Variants in DUS2 observed in about 807,000 individuals in gnomAD.
The protein encoded by DUS2 is dihydrouridine synthase 2.
In DUS2, 52 loss-of-function variants were observed where a neutral mutation model predicts 71.3. The ratio of observed to expected loss-of-function variants is 0.73; its 90% CI spans 0.58 to 0.92. The LOEUF (loss-of-function observed/expected upper bound fraction) is 0.92, where lower values mean the gene tolerates loss of function less well. Among genes scored for constraint, DUS2 ranks in the 40% least tolerant of loss-of-function variants. The probability of loss-of-function intolerance (pLI) is 0.00; values close to 1 mark genes in which losing one functional copy is unlikely to be tolerated. For synonymous variants in DUS2, 204 were observed against 227.8 expected, an observed-to-expected ratio of 0.90 and a Z score of 0.94; for missense variants, 558 against 622.6, an observed-to-expected ratio of 0.90 and a Z score of 1.10.
chr16:68,054,428 G>T, intron 5 of DUS2, 146 bp from the exon 6 acceptor site: 2 of 810,316 alleles, frequency 2.5e-6, no homozygotes, highest in South Asian at 3.0e-5. Context: ...CTAGTCTAGT[G>T]GGCTGGCTGT....
At chr16:68,061,546 T>C (rs35432211) in intron 8 of DUS2, among the ~76,000 whole-genome samples, 19,097 of 152,168 alleles carry the variant, frequency 0.13, 1,309 homozygotes, top group South Asian at 0.19. Context: ...GGGTCCCCTA[T>C]GTCCTGAAAG....
At chr16:68,067,882 ACTCCTGGGCTTAAGTGATC>A (rs2034032173) in intron 10 of DUS2, among the ~76,000 whole-genome samples, 1 of 150,678 alleles carries the variant, frequency 6.6e-6, no homozygotes, top group Admixed American at 6.6e-5. Flanking sequence ...CTGGTCTCAA[ACTCCTGGGCTTAAGTGATC>A]CTCCTGCCTC....
intron 3 of DUS2, among the ~76,000 whole-genome samples, chr16:68,042,329 G>A (rs1366544405): frequency 6.6e-6 from 1 of 152,118 alleles, no homozygotes; most frequent in South Asian, 2.1e-4. Flanking sequence ...GAACATGGGC[G>A]TGCAAATAAT....
intron 3 of DUS2, among the ~76,000 whole-genome samples, chr16:68,047,172 C>T (rs2033715576): frequency 6.7e-6 from 1 of 150,206 alleles, no homozygotes; most frequent in African/African-American, 2.5e-5. Context: ...TCTCCTGCCT[C>T]AGCCTCCCAA....
rs2033289352 is a variant in DUS2 at position 68,023,335 on chromosome 16, A to C, written c.-115A>C. 1 of 1,136,982 alleles carries C rather than the reference A, an allele frequency of 8.8e-7. No homozygotes were observed. The highest frequency in any genetic ancestry group is 1.2e-6 in the Non-Finnish European group (1 of 814,484). The allele number at this position is 1,136,982 out of a possible 1,614,324, so 70.4% of individuals were successfully genotyped here. A position where few individuals can be genotyped will look rare whatever the true frequency, so the allele number is the denominator to read the frequency against. Reference sequence around the variant, plus strand: ...GTGAGGAAGAAGCGAGGTTCTTTTTAAGAGTTCAGCTGCGAGGTCTGTAGC... The same window carrying C: ...GTGAGGAAGAAGCGAGGTTCTTTTTCAGAGTTCAGCTGCGAGGTCTGTAGC... On this transcript the variant is annotated 5_prime_UTR_variant, in exon 1 of 17. Transcript: ENST00000565263.
intron 7 of DUS2, among the ~76,000 whole-genome samples, chr16:68,058,991 CA>C (rs1419849231): frequency 6.6e-6 from 1 of 152,154 alleles, no homozygotes; most frequent in African/African-American, 2.4e-5. Context: ...GCGGGCAGAT[CA>C]CCTGAGGTCA....
At chr16:68,069,283 TG>T (rs995639463) in intron 10 of DUS2, among the ~76,000 whole-genome samples, 5 of 152,094 alleles carry the variant, frequency 3.3e-5, no homozygotes, top group African/African-American at 1.2e-4. Context: ...CCCAGCTACC[TG>T]GGAGGCTGAG....
intron 2 of DUS2, among the ~76,000 whole-genome samples, chr16:68,026,473 C>A (rs1204558470): frequency 6.6e-6 from 1 of 152,162 alleles, no homozygotes; most frequent in African/African-American, 2.4e-5. Context: ...TATTTTCAGT[C>A]ATTATCACTA....
intron 10 of DUS2, 43 bp downstream of exon 10, chr16:68,066,679 C>A: frequency 6.3e-7 from 1 of 1,584,252 alleles, no homozygotes; most frequent in South Asian, 1.1e-5. Context: ...AGGTCCTAAC[C>A]CATCTTAGTG....
rs1229386940 is a variant in DUS2 at position 68,070,145 on chromosome 16, A to C, written c.566A>C (p.Glu189Ala). The C allele has an allele frequency of 6.2e-7, 1 of 1,613,882 alleles. No individual in the cohort carries two copies. Among genetic ancestry groups the C allele is most frequent in the Non-Finnish European group, 8.5e-7 (1 of 1,179,942 alleles). ...AIAVHGRKRE[E>A]RPQHPVSCEV... ...TTTCTATCTCCAAGGAAGCGGGAGG[A>C]GCGACCTCAGCATCCTGTCAGCTGT... Residue 189 changes from glutamate to alanine, a missense_variant, in exon 11 of 17, where the codon GAG (glutamate) becomes GCG (alanine). Glu to Ala is a moderately radical substitution (Grantham distance 107). Coordinates refer to ENST00000565263, the MANE Select transcript of DUS2 (RefSeq NM_017803.5).
At chr16:68,058,373 C>T (rs1444285539) in intron 7 of DUS2, among the ~76,000 whole-genome samples, 3 of 151,766 alleles carry the variant, frequency 2.0e-5, no homozygotes, top group South Asian at 2.1e-4. Context: ...TACAGGTGCC[C>T]GCCACCACAC....
At chr16:68,030,983 A>C (rs1361272253) in intron 2 of DUS2, among the ~76,000 whole-genome samples, 1 of 151,978 alleles carries the variant, frequency 6.6e-6, no homozygotes, top group Non-Finnish European at 1.5e-5. Flanking sequence ...GCCTTGAGTG[A>C]TCCTCCTGCC....
At chr16:68,024,004 A>G (rs1367609798) in intron 1 of DUS2, 5 of 166,790 alleles carry the variant, frequency 3.0e-5, no homozygotes, top group Admixed American at 2.6e-4. Flanking sequence ...AAAGTGATCA[A>G]GTACGTGGCT....
intron 4 of DUS2, among the ~76,000 whole-genome samples, chr16:68,052,748 T>C (rs1484705723): frequency 6.7e-6 from 1 of 150,258 alleles, no homozygotes; most frequent in East Asian, 2.0e-4. Context: ...GTTCAAGAGA[T>C]TGTGCTGCCT....
intron 2 of DUS2, among the ~76,000 whole-genome samples, chr16:68,036,823 G>A (rs2033537267): frequency 1.3e-5 from 2 of 151,936 alleles, no homozygotes. Flanking sequence ...CTTTGCATTG[G>A]TTATTTCCTC....
Position 68,071,217 on chromosome 16 carries a change from C to G in DUS2, c.810+109C>G, listed in dbSNP as rs1489905083. 7 of 1,249,212 alleles carry G rather than the reference C, an allele frequency of 5.6e-6. No individual in the cohort carries two copies. In the South Asian group the frequency reaches 6.8e-5, roughly 12 times the overall value. The allele number at this position is 1,249,212 out of a possible 1,614,324, so 77.4% of individuals were successfully genotyped here. ...TGCCAGCTGTGCTTGCTGTTCCTCT[C>G]CTTTTCTTTTTAGCTCATGTAGTGT... On this transcript the variant is annotated intron_variant, in intron 12 of 16. Transcript: ENST00000565263.
At chr16:68,048,675 G>A (rs757074726) in intron 3 of DUS2, among the ~76,000 whole-genome samples, 4 of 152,172 alleles carry the variant, frequency 2.6e-5, no homozygotes, top group Non-Finnish European at 4.4e-5. Context: ...TGAGTAGGAG[G>A]TCATTGTGCC....
Position 68,075,409 on chromosome 16 carries a change from C to T in DUS2, c.987C>T (p.Ala329=). ...FYEETTQELD[A]QQARLSAKTS... ...AGGAGACCACACAGGAGCTGGATGCCCAGCAGGCCAGGCTCTCAGCCAAGA... is the reference window on the plus strand; with the variant it reads ...AGGAGACCACACAGGAGCTGGATGCTCAGCAGGCCAGGCTCTCAGCCAAGA... The change falls in exon 14 of 17, where the codon GCC becomes GCT. Residue 329 remains alanine (A), a synonymous_variant. Coordinates refer to ENST00000565263, the MANE Select transcript of DUS2 (RefSeq NM_017803.5). 6.2e-7 allele frequency: 1 copy of T among 1,613,584 alleles called. No homozygotes were observed. The highest frequency in any genetic ancestry group is 1.1e-5 in the South Asian group (1 of 90,882).
At chr16:68,038,547 C>T (rs945616206) in intron 3 of DUS2, among the ~76,000 whole-genome samples, 5 of 149,548 alleles carry the variant, frequency 3.3e-5, no homozygotes, top group South Asian at 2.1e-4. Flanking sequence ...CTGGCCAACA[C>T]GGTGAAACCT....
Sources: gnomAD v4.1 joint callset for allele counts (sites outside exome capture counted in the v4.1 genomes callset) on GRCh38, gnomAD v4.1.1 for gene constraint, MANE v1.5 for transcripts, NCBI Gene and HGNC (gene_info 2026-07-23, HGNC 2026-07-21) for gene names.